KCNN2: variants seen among roughly 807,000 people sequenced by gnomAD.
KCNN2 encodes small conductance calcium-activated potassium channel protein 2.
In KCNN2, 24 loss-of-function variants were observed where a neutral mutation model predicts 55.5. That is an observed-to-expected ratio of 0.43 (90% CI 0.31 to 0.61). The LOEUF (loss-of-function observed/expected upper bound fraction) is 0.61. Among genes scored for constraint, KCNN2 ranks in the 20% least tolerant of loss-of-function variants. KCNN2 has a pLI of 0.08. For synonymous variants in KCNN2, 431 were observed against 336.1 expected (o/e 1.28, Z -3.09); for missense variants, 754 against 853.6 (o/e 0.88, Z 1.45).
intron 1 of KCNN2, among the ~76,000 whole-genome samples, chr5:114,192,967 A>G (rs977731077): frequency 6.6e-6 from 1 of 152,096 alleles, no homozygotes; most frequent in Admixed American, 6.6e-5. Context: ...TTATTAACTA[A>G]CTGTGCCCAT....
chr5:114,256,754 C>G (rs1754991104), intron 2 of KCNN2, among the ~76,000 whole-genome samples: 2 of 151,984 alleles, frequency 1.3e-5, no homozygotes, highest in Non-Finnish European at 2.9e-5. Flanking sequence ...TGTTTCAGTT[C>G]TTTGGAGATT....
At chr5:114,129,414 T>C (rs1427456196) in intron 1 of KCNN2, among the ~76,000 whole-genome samples, 9 of 152,292 alleles carry the variant, frequency 5.9e-5, no homozygotes, top group African/African-American at 2.2e-4. Context: ...ACCTAAAGAT[T>C]AGCTGCCACT....
chr5:114,374,901 G>C (rs1439000875), intron 2 of KCNN2, among the ~76,000 whole-genome samples: 1 of 152,118 alleles, frequency 6.6e-6, no homozygotes, highest in African/African-American at 2.4e-5. Flanking sequence ...AGATGGGATT[G>C]TTTCCAGGTA....
intron 1 of KCNN2, among the ~76,000 whole-genome samples, chr5:114,117,761 G>C (rs148212260): frequency 2.3e-4 from 35 of 152,264 alleles, no homozygotes; most frequent in Non-Finnish European, 5.0e-4. Context: ...AATGTAAGTA[G>C]TCCTTGAGCC....
intron 2 of KCNN2, among the ~76,000 whole-genome samples, chr5:114,238,426 G>T (rs1754551520): frequency 6.6e-6 from 1 of 152,016 alleles, no homozygotes; most frequent in South Asian, 2.1e-4. Context: ...AGGAGTTCAA[G>T]ACCAGCCTGG....
At chr5:114,379,574 A>T (rs28449910) in intron 2 of KCNN2, among the ~76,000 whole-genome samples, 3 of 59,574 alleles carry the variant, frequency 5.0e-5, no homozygotes, top group South Asian at 3.9e-4. Context: ...ATTATATATT[A>T]TAGAATATAT....
At chr5:114,204,308 T>G (rs773658763) in intron 1 of KCNN2, among the ~76,000 whole-genome samples, 10 of 152,234 alleles carry the variant, frequency 6.6e-5, no homozygotes, top group Non-Finnish European at 1.2e-4. Context: ...TGTTTGCTTC[T>G]ATGTAATTCC....
intron 2 of KCNN2, among the ~76,000 whole-genome samples, chr5:114,372,070 A>G (rs1757773642): frequency 6.6e-6 from 1 of 152,182 alleles, no homozygotes; most frequent in South Asian, 2.1e-4. Context: ...CATAATGCTA[A>G]TGTTTATTTG....
chr5:114,249,239 A>G (rs1012565129), intron 2 of KCNN2, among the ~76,000 whole-genome samples: 2 of 151,686 alleles, frequency 1.3e-5, no homozygotes, highest in African/African-American at 2.4e-5. Context: ...GAACGTAAAC[A>G]TGGTATCACG....
At position 114,406,868 on chromosome 5, in the gene KCNN2, T is replaced by G. The variant is rs117325852; in HGVS notation, c.1637+2012T>G. 3.0e-4 allele frequency among the ~76,000 whole-genome samples: 46 copies of G among 152,212 alleles called. No homozygotes were observed. The East Asian group carries it at 6.9e-3, about 23-fold the overall frequency. ...AAGCAAAGGTAGTATATAAGAGAGA[T>G]ATTTTTGAGATCTTGCAGATATGGG... On this transcript the variant is annotated intron_variant, in intron 3 of 7. Transcript: ENST00000673685.
At chr5:114,354,822 CCT>C (rs945793542) in intron 2 of KCNN2, among the ~76,000 whole-genome samples, 4 of 151,998 alleles carry the variant, frequency 2.6e-5, no homozygotes, top group African/African-American at 4.8e-5. Context: ...GTGTTTTTCC[CCT>C]GATATTTTAC....
intron 1 of KCNN2, 92 bp downstream of exon 1, chr5:114,363,353 A>C: frequency 1.4e-5 from 20 of 1,407,764 alleles, no homozygotes; most frequent in Non-Finnish European, 1.9e-5. Context: ...GCGGATCCCT[A>C]GCCTCTCCGG....
At position 114,429,682 on chromosome 5, in the gene KCNN2, A is replaced by G. The variant is rs1227249754; in HGVS notation, c.1637+24826A>G. On this transcript the variant is annotated intron_variant, in intron 3 of 7. Transcript: ENST00000673685. ...ATCTAAAAAGTTCTTGGCAAACCCA[A>G]GTTTACCTAGATTTTCTCCTAATAT... Among the ~76,000 whole-genome samples, 4 of 151,956 alleles carry G rather than the reference A, an allele frequency of 2.6e-5. No individual in the cohort carries two copies. The East Asian group carries it at 5.8e-4, about 22-fold the overall frequency.
chr5:114,437,045 G>A (rs1490763853), intron 3 of KCNN2, among the ~76,000 whole-genome samples: 2 of 152,082 alleles, frequency 1.3e-5, no homozygotes, highest in Non-Finnish European at 2.9e-5. Flanking sequence ...GTGTGTTTGT[G>A]TGTGTGTGTT....
chr5:114,251,488 G>C (rs529265239), intron 2 of KCNN2, among the ~76,000 whole-genome samples: 1 of 152,250 alleles, frequency 6.6e-6, no homozygotes, highest in South Asian at 2.1e-4. Flanking sequence ...AAAATATATA[G>C]TATGGTCCCT....
chr5:114,359,457 G>A (rs1236767974), upstream of KCNN2, among the ~76,000 whole-genome samples: 1 of 152,164 alleles, frequency 6.6e-6, no homozygotes, highest in East Asian at 1.9e-4. Flanking sequence ...CATGGCAAAA[G>A]ATACATTTTT....
At position 114,367,968 on chromosome 5, in the gene KCNN2, AAC is replaced by A. The variant is rs527474375; in HGVS notation, c.1218+3969_1218+3970del. ...GCAGATGATATACTTTGAATTGGAA[AAC>A]ATTTTCGTTTGTTTGTTTTTGTAAT... On this transcript the variant is annotated intron_variant, in intron 2 of 7. Coordinates refer to ENST00000673685, the MANE Select transcript of KCNN2 (RefSeq NM_021614.4). 2.8e-3 allele frequency among the ~76,000 whole-genome samples: 419 copies of A among 152,266 alleles called. 4 individuals carry two copies. Among genetic ancestry groups the A allele is most frequent in the African/African-American group, 9.1e-3 (376 of 41,536 alleles).
At chr5:114,150,811 TG>T (rs779666522) in intron 1 of KCNN2, among the ~76,000 whole-genome samples, 2 of 152,128 alleles carry the variant, frequency 1.3e-5, no homozygotes, top group African/African-American at 4.8e-5. Context: ...CACCTCGGGT[TG>T]GGAGTTCAAG....
chr5:114,161,044 A>G (rs1311934854), intron 1 of KCNN2, among the ~76,000 whole-genome samples: 5 of 152,198 alleles, frequency 3.3e-5, no homozygotes, highest in Admixed American at 2.6e-4. Flanking sequence ...TGATCCTGTC[A>G]TTATGATGTT....
Sources: allele counts gnomAD v4.1 joint callset (sites outside exome capture counted in the v4.1 genomes callset), GRCh38; gene constraint gnomAD v4.1.1; transcripts MANE v1.5; gene names NCBI Gene and HGNC (gene_info 2026-07-23, HGNC 2026-07-21).